Variants in LATS1 observed in about 807,000 individuals in gnomAD.
LATS1 encodes the protein serine/threonine-protein kinase LATS1.
Under a neutral mutation model 106.6 loss-of-function variants are expected in LATS1, and 25 were observed. That is an observed-to-expected ratio of 0.23 (90% CI 0.17 to 0.33). The LOEUF (loss-of-function observed/expected upper bound fraction) is 0.33. LATS1 is among the 10% of genes least tolerant of loss of function. The pLI is 1.00. For missense variants in LATS1, 1,040 were observed against 1,382.6 expected, an observed-to-expected ratio of 0.75 and a Z score of 3.93; for synonymous variants, 465 against 455.6, an observed-to-expected ratio of 1.02 and a Z score of -0.26.
chr6:149,698,418 C>CT (rs547621505), intron 2 of LATS1, among the ~76,000 whole-genome samples: 84 of 151,630 alleles, frequency 5.5e-4, no homozygotes, highest in Non-Finnish European at 7.4e-4. Flanking sequence ...TGATTTTTAA[C>CT]TTTTTTTTGT....
At chr6:149,697,062 G>T in intron 2 of LATS1, 1 of 884,678 alleles carries the variant, frequency 1.1e-6, no homozygotes, top group Non-Finnish European at 1.7e-6. Context: ...ATGTTGACAT[G>T]CATTTTTCAA....
At chr6:149,670,171 C>CAAAAAA (rs1177166262) in intron 7 of LATS1, among the ~76,000 whole-genome samples, 10 of 31,580 alleles carry the variant, frequency 3.2e-4, no homozygotes, top group Non-Finnish European at 5.9e-4. Context: ...AATTGCATCT[C>CAAAAAA]AAAAAAAAAA....
At chr6:149,682,385 C>CAAGAGATG (rs1370261435) in intron 4 of LATS1, among the ~76,000 whole-genome samples, 95 of 150,952 alleles carry the variant, frequency 6.3e-4, no homozygotes, top group South Asian at 1.5e-3. Context: ...ATAAGTATAT[C>CAAGAGATG]AAGAGATGAG....
In LATS1 at chr6:149,683,534, A is replaced by T; in HGVS notation, c.1555T>A (p.Trp519Arg). Residue 519 changes from tryptophan (W) to arginine (R), a missense_variant, in exon 4 of 8, where the codon TGG becomes AGG. Trp to Arg is a moderately radical substitution (Grantham distance 101). Transcript: ENST00000543571. The part of the protein sequence containing the change: ...QTALAPTHPS[W>R]IPQPIQTVQP... ...ACAGTTTGAATTGGCTGTGGTATCCAAGAAGGGTGTGTAGGTGCTAAAGCA... is the reference window on the plus strand; with the variant it reads ...ACAGTTTGAATTGGCTGTGGTATCCTAGAAGGGTGTGTAGGTGCTAAAGCA... 1 of 1,614,240 alleles carries T rather than the reference A, an allele frequency of 6.2e-7. No individual in the cohort carries two copies. Among genetic ancestry groups the T allele is most frequent in the Non-Finnish European group, 8.5e-7 (1 of 1,180,038 alleles).
At chr6:149,698,832 GAT>G (rs1783270238) in intron 2 of LATS1, among the ~76,000 whole-genome samples, 1 of 152,036 alleles carries the variant, frequency 6.6e-6, no homozygotes, top group Non-Finnish European at 1.5e-5. Flanking sequence ...AAAGTGCTAG[GAT>G]ACAGGCGTGA....
rs966719819 is a variant in LATS1 at position 149,683,732 on chromosome 6, T to C, written c.1357A>G (p.Thr453Ala). The change falls in exon 4 of 8, where the codon ACA becomes GCA. Residue 453 changes from threonine (T) to alanine (A), a missense_variant. Coordinates refer to ENST00000543571, the MANE Select transcript of LATS1 (RefSeq NM_004690.4). ...CTCACTGGTATGTTAGGTTGCCATG[T>C]AGGGATTTCATGCCCACTGCTCGGG... ...SSPSSGHEIP[T>A]WQPNIPVRSN... 2 of 1,614,120 alleles carry C rather than the reference T, an allele frequency of 1.2e-6. No homozygotes were observed. Among genetic ancestry groups the C allele is most frequent in the Middle Eastern group, 1.6e-4 (1 of 6,062 alleles).
chr6:149,674,180 T>G (rs2114751057), intron 7 of LATS1, among the ~76,000 whole-genome samples: 1 of 151,574 alleles, frequency 6.6e-6, no homozygotes, highest in South Asian at 2.1e-4. Context: ...GTTCAAGCAA[T>G]CCCCGTGCCT....
chr6:149,674,548 A>AT (rs1218697526), intron 7 of LATS1, among the ~76,000 whole-genome samples: 22 of 151,326 alleles, frequency 1.5e-4, no homozygotes, highest in African/African-American at 5.1e-4. Flanking sequence ...AGTTTTTTGT[A>AT]TTTTTTGTAC....
At chr6:149,669,683 C>T (rs561012887) in intron 7 of LATS1, among the ~76,000 whole-genome samples, 2 of 151,838 alleles carry the variant, frequency 1.3e-5, no homozygotes, top group South Asian at 2.1e-4. Flanking sequence ...ATCTTGAACC[C>T]GGGAGGCAGA....
At chr6:149,705,880 G>T (rs1334342709) in intron 1 of LATS1, among the ~76,000 whole-genome samples, 4 of 151,812 alleles carry the variant, frequency 2.6e-5, no homozygotes, top group African/African-American at 9.7e-5. Flanking sequence ...GCTGAATAAT[G>T]GCCTCTCAAA....
At chr6:149,694,230 G>T (rs1414079164) in intron 3 of LATS1, among the ~76,000 whole-genome samples, 1 of 152,180 alleles carries the variant, frequency 6.6e-6, no homozygotes, top group Non-Finnish European at 1.5e-5. Context: ...AGCTATAAGG[G>T]TAATTACTGC....
chr6:149,682,743 T>A (rs1028373954), intron 4 of LATS1, among the ~76,000 whole-genome samples: 1 of 152,158 alleles, frequency 6.6e-6, no homozygotes, highest in African/African-American at 2.4e-5. Context: ...AGTTTATTTT[T>A]AAATGTTGTA....
chr6:149,713,834 AT>A (rs1167440576), intron 1 of LATS1, among the ~76,000 whole-genome samples: 2 of 151,806 alleles, frequency 1.3e-5, no homozygotes, highest in East Asian at 3.9e-4. Flanking sequence ...TAATTTTTGT[AT>A]TTTTAGTAGA....
intron 7 of LATS1, among the ~76,000 whole-genome samples, chr6:149,663,649 T>C (rs1028718603): frequency 2.0e-5 from 3 of 152,144 alleles, no homozygotes. Flanking sequence ...TTTAAAGTCT[T>C]ATCCCAGATT....
At position 149,660,856 on chromosome 6, in the gene LATS1, A is replaced by C. The variant is rs1014697864; in HGVS notation, c.*873T>G. ...AGGAAACAGGTAACATTGATGATAT[A>C]ATCAAAATAGTTACTATACAGGAAA... is the stretch of plus-strand genomic sequence containing the variant. On this transcript the variant is annotated 3_prime_UTR_variant, in exon 8 of 8. Transcript: ENST00000543571. 2.8e-5 allele frequency: 6 copies of C among 211,780 alleles called. No homozygotes were observed. The highest frequency in any genetic ancestry group is 5.7e-5 in the Non-Finnish European group (6 of 104,418). 13.1% of individuals were successfully genotyped at this position (211,780 alleles called of 1,614,324 possible).
rs1034587825 is a variant in LATS1, at chr6:149,663,120, C to T, written c.2884-882G>A. 5.9e-5 allele frequency among the ~76,000 whole-genome samples: 9 copies of T among 152,076 alleles called. 1 individual carries two copies. The highest frequency in any genetic ancestry group is 3.9e-4 in the Admixed American group (6 of 15,256). ...GGGAATTGGTATACAACTCCAAGTA[C>T]GATATTAAATGGATTTGGGGCAAAC... On this transcript the variant is annotated intron_variant, in intron 7 of 7. Transcript: ENST00000543571.
At position 149,683,914 on chromosome 6, in the gene LATS1, CCT is replaced by C. The variant is rs1554232857; in HGVS notation, c.1173_1174del (p.Gly393IlefsTer23). On this transcript the variant is annotated frameshift_variant, in exon 4 of 8. Transcript: ENST00000543571. LOFTEE classifies it high-confidence loss of function. ...ATATGACGAAGGAGCAGCAGATCCC[CCT>C]GTTTGTAAAGCAGAAGGGCTTTGTC... 3.7e-6 allele frequency: 6 copies of C among 1,614,182 alleles called. No individual in the cohort carries two copies. Among genetic ancestry groups the C allele is most frequent in the East Asian group, 4.5e-5 (2 of 44,880 alleles).
At chr6:149,696,297 G>A (rs953305350) in intron 2 of LATS1, among the ~76,000 whole-genome samples, 6 of 149,904 alleles carry the variant, frequency 4.0e-5, no homozygotes, top group Admixed American at 6.6e-5. Flanking sequence ...GGCTGAGTGC[G>A]GTGGCTCACA....
At chr6:149,686,943 G>T (rs991203643) in intron 3 of LATS1, among the ~76,000 whole-genome samples, 3 of 151,994 alleles carry the variant, frequency 2.0e-5, no homozygotes, top group Admixed American at 2.0e-4. Flanking sequence ...TCAAACTTTG[G>T]TATTACTCAT....
Sources: gnomAD v4.1 joint callset for allele counts (sites outside exome capture counted in the v4.1 genomes callset) on GRCh38, gnomAD v4.1.1 for gene constraint, MANE v1.5 for transcripts, NCBI Gene and HGNC (gene_info 2026-07-23, HGNC 2026-07-21) for gene names.